The following RGS17 variants were observed in gnomAD, a reference collection of about 807,000 sequenced individuals.
RGS17 encodes the protein regulator of G protein signaling 17.
Under a neutral mutation model 25.5 loss-of-function variants are expected in RGS17, and 12 were observed. That is an observed-to-expected ratio of 0.47 (90% CI 0.30 to 0.76). RGS17 has a LOEUF of 0.76. RGS17 is among the 30% of genes least tolerant of loss of function. The pLI is 0.07. For missense variants in RGS17, 196 were observed against 242.2 expected (o/e 0.81, Z 1.27); for synonymous variants, 71 against 76.9 (o/e 0.92, Z 0.40).
At chr6:153,022,769 A>C (rs1779258677) in intron 4 of RGS17, among the ~76,000 whole-genome samples, 1 of 152,232 alleles carries the variant, frequency 6.6e-6, no homozygotes, top group Non-Finnish European at 1.5e-5. Context: ...AGAGTTGTTT[A>C]GATACTAAAA....
chr6:153,045,442 T>A (rs573016846), intron 1 of RGS17, among the ~76,000 whole-genome samples: 6 of 152,302 alleles, frequency 3.9e-5, no homozygotes, highest in Admixed American at 3.9e-4. Flanking sequence ...GCCATCCAGA[T>A]CAGACTTCAG....
chr6:153,070,488 GATTAA>G (rs1239927502), intron 1 of RGS17, among the ~76,000 whole-genome samples: 1 of 151,670 alleles, frequency 6.6e-6, no homozygotes, highest in African/African-American at 2.4e-5. Flanking sequence ...CCACATCTGT[GATTAA>G]ATTAACAGTG....
intron 1 of RGS17, among the ~76,000 whole-genome samples, chr6:153,081,205 C>T (rs1338073): frequency 6.6e-6 from 1 of 151,994 alleles, no homozygotes; most frequent in South Asian, 2.1e-4. Flanking sequence ...TTAAAATCTC[C>T]AATTATTATT....
intron 3 of RGS17, 115 bp from the exon 4 acceptor site, chr6:153,024,611 A>G (rs1290637018): frequency 1.3e-6 from 1 of 747,346 alleles, no homozygotes; most frequent in African/African-American, 1.8e-5. Context: ...TCTAGTGGTC[A>G]GTATTTTGCC....
At chr6:153,129,944 C>T (rs1011144413) in intron 1 of RGS17, among the ~76,000 whole-genome samples, 6 of 152,088 alleles carry the variant, frequency 3.9e-5, no homozygotes, top group African/African-American at 1.4e-4. Flanking sequence ...GGGCGGGTCC[C>T]GTACGCAGGG....
chr6:153,073,809 G>GATC lies in RGS17; in HGVS notation c.-25-29769_-25-29767dup, dbSNP rs368265186. ...CCAACCAATTGATGTAACCATTATA[G>GATC]ATCAGTCTCCTGGGACAGAGGAGGA... On this transcript the variant is annotated intron_variant, in intron 1 of 4. Transcript: ENST00000206262. Among the ~76,000 whole-genome samples, 312 of 152,232 alleles carry GATC rather than the reference G, an allele frequency of 2.0e-3. 1 individual carries two copies. The highest frequency in any genetic ancestry group is 7.1e-3 in the African/African-American group (294 of 41,554).
rs1280674761 is a variant in RGS17, at chr6:153,007,736, C to G, written c.*3838G>C. The G allele has an allele frequency of 1.3e-5, 2 of 152,118 alleles. No homozygotes were observed. The highest frequency in any genetic ancestry group is 4.8e-5 in the African/African-American group (2 of 41,418). 9.4% of individuals were successfully genotyped at this position (152,118 alleles called of 1,614,324 possible). The stretch of plus-strand genomic sequence containing the variant: ...CCTCTCAAGTAGCCGGGATTAAAGG[C>G]ACCCACCACCATGCCCGGCTAATTT... On this transcript the variant is annotated 3_prime_UTR_variant, in exon 5 of 5. Coordinates refer to ENST00000206262, the MANE Select transcript of RGS17 (RefSeq NM_012419.5).
intron 4 of RGS17, among the ~76,000 whole-genome samples, chr6:153,020,215 A>C (rs1356932069): frequency 7.9e-6 from 1 of 126,660 alleles, no homozygotes; most frequent in Non-Finnish European, 1.6e-5. Context: ...GTGCAGTGGC[A>C]CGATCTTGGC....
At chr6:153,039,986 C>CAGGTTCA (rs1776301914) in intron 2 of RGS17, among the ~76,000 whole-genome samples, 1 of 152,138 alleles carries the variant, frequency 6.6e-6, no homozygotes. Context: ...AACCTTGAAC[C>CAGGTTCA]TGTAGACAAA....
intron 1 of RGS17, among the ~76,000 whole-genome samples, chr6:153,128,008 AGT>A (rs1188815013): frequency 6.6e-6 from 1 of 152,198 alleles, no homozygotes; most frequent in Non-Finnish European, 1.5e-5. Context: ...AAGTTAGGAA[AGT>A]GTCTTTTTTT....
chr6:153,022,195 G>A (rs913912846), intron 4 of RGS17, among the ~76,000 whole-genome samples: 1 of 152,172 alleles, frequency 6.6e-6, no homozygotes, highest in African/African-American at 2.4e-5. Flanking sequence ...GTGGCACAGT[G>A]AGACTCCGTC....
chr6:153,041,984 G>A (rs946194906), intron 2 of RGS17, among the ~76,000 whole-genome samples: 7 of 152,146 alleles, frequency 4.6e-5, no homozygotes, highest in African/African-American at 1.7e-4. Flanking sequence ...GCCTTACGAG[G>A]CAGGGATTTT....
At chr6:153,024,190 A>G (rs965918491) in intron 4 of RGS17, 72 bp downstream of exon 4, 31 of 969,862 alleles carry the variant, frequency 3.2e-5, no homozygotes, top group African/African-American at 4.8e-5. Context: ...GCCCTACCCA[A>G]TGTGGACAGC....
intron 4 of RGS17, among the ~76,000 whole-genome samples, chr6:153,012,498 T>C (rs1779144180): frequency 1.3e-5 from 2 of 152,164 alleles, no homozygotes; most frequent in Admixed American, 1.3e-4. Flanking sequence ...TCTGCAATGA[T>C]TTAGGATCTT....
intron 1 of RGS17, among the ~76,000 whole-genome samples, chr6:153,049,867 T>A (rs9479487): frequency 6.6e-6 from 1 of 151,966 alleles, no homozygotes; most frequent in Non-Finnish European, 1.5e-5. Flanking sequence ...ACTGAAGACA[T>A]GTCTGAAAAT....
At chr6:153,054,066 A>T (rs186507861) in intron 1 of RGS17, among the ~76,000 whole-genome samples, 2 of 64,998 alleles carry the variant, frequency 3.1e-5, no homozygotes, top group Admixed American at 2.3e-4. Context: ...TAATATATAT[A>T]CATATATATA....
chr6:153,054,106 A>G (rs1195057432), intron 1 of RGS17, among the ~76,000 whole-genome samples: 1,048 of 102,108 alleles, frequency 0.01, 226 homozygotes, highest in African/African-American at 0.037. Context: ...ATATATATAT[A>G]TATATATGTG....
At position 153,009,476 on chromosome 6, in the gene RGS17, G is replaced by C. The variant is rs1039040763; in HGVS notation, c.*2098C>G. ...CACAATAGAAGTGATGATTCTTTTA[G>C]GTTTTTCTTTACTCTTTAGGAAAAA... On this transcript the variant is annotated 3_prime_UTR_variant, in exon 5 of 5. Transcript: ENST00000206262. The C allele has an allele frequency of 5.9e-5, 9 of 151,708 alleles. No homozygotes were observed. The highest frequency in any genetic ancestry group is 2.2e-4 in the African/African-American group (9 of 41,356). 9.4% of individuals were successfully genotyped at this position (151,708 alleles called of 1,614,324 possible).
At chr6:153,111,241 C>A (rs761923501) in intron 1 of RGS17, among the ~76,000 whole-genome samples, 1 of 152,140 alleles carries the variant, frequency 6.6e-6, no homozygotes, top group Non-Finnish European at 1.5e-5. Context: ...CTGGGATGCT[C>A]GAGCTTAGTC....
Sources: allele counts gnomAD v4.1 joint callset (sites outside exome capture counted in the v4.1 genomes callset), GRCh38; gene constraint gnomAD v4.1.1; transcripts MANE v1.5; gene names NCBI Gene and HGNC (gene_info 2026-07-23, HGNC 2026-07-21).